Variants in PGPEP1 observed in about 807,000 individuals in gnomAD.
The protein encoded by PGPEP1 is pyroglutamyl-peptidase I, also known as pyroglutamyl-peptidase 1.
In PGPEP1, 15 loss-of-function variants were observed where a neutral mutation model predicts 24.1. The observed-to-expected ratio is 0.62, with a 90% CI of 0.42 to 0.96. The LOEUF (loss-of-function observed/expected upper bound fraction) is 0.96, where lower values mean the gene tolerates loss of function less well. Among genes scored for constraint, PGPEP1 ranks in the 40% least tolerant of loss-of-function variants. PGPEP1 has a pLI of 0.00. For missense variants in PGPEP1, 242 were observed against 273.4 expected (o/e 0.89, Z 0.81); for synonymous variants, 122 against 116.4 (o/e 1.05, Z -0.31).
At chr19:18,348,670 T>G (rs1411695685) in intron 2 of PGPEP1, among the ~76,000 whole-genome samples, 1 of 152,178 alleles carries the variant, frequency 6.6e-6, no homozygotes, top group Non-Finnish European at 1.5e-5. Flanking sequence ...GGCAGGTGGC[T>G]CCCTGCCGTT....
chr19:18,354,479 A>G (rs1032297565), intron 2 of PGPEP1, among the ~76,000 whole-genome samples: 3 of 152,210 alleles, frequency 2.0e-5, no homozygotes, highest in Admixed American at 1.3e-4. Context: ...TGGGTGACAG[A>G]GTGAGACTCT....
intron 2 of PGPEP1, 98 bp downstream of exon 2, chr19:18,343,009 T>TC: frequency 3.3e-6 from 3 of 905,572 alleles, no homozygotes; most frequent in Non-Finnish European, 5.3e-6. Flanking sequence ...AAAACTTTTT[T>TC]TTTTTTTTGA....
At position 18,355,823 on chromosome 19, in the gene PGPEP1, A is replaced by AC. The variant is rs555253754; in HGVS notation, c.88-66dup. On this transcript the variant is annotated intron_variant, in intron 2 of 4. Transcript: ENST00000269919. The stretch of plus-strand genomic sequence containing the variant: ...AGTCTGGAGAACGCCTGTTTGTTTC[A>AC]CCCCCCAGAGAGCGCATTATCCCCA... The AC allele has an allele frequency of 5.0e-4, 470 of 934,646 alleles. 3 individuals are homozygous for AC. The highest frequency in any genetic ancestry group is 1.1e-3 in the South Asian group (87 of 76,532). The allele number at this position is 934,646 out of a possible 1,614,324, so 57.9% of individuals were successfully genotyped here.
intron 2 of PGPEP1, among the ~76,000 whole-genome samples, chr19:18,352,266 C>CAAAAATAAAAA (rs1971052049): frequency 2.3e-5 from 1 of 43,664 alleles, no homozygotes. Context: ...GACTCCGTCT[C>CAAAAATAAAAA]AAAAAAAAAA....
rs771918701 is a variant in PGPEP1 at position 18,365,667 on chromosome 19, G to A, written c.*2084G>A. On this transcript the variant is annotated 3_prime_UTR_variant, in exon 5 of 5. Transcript: ENST00000269919. ...CCCAGTTCTTTCTTAAAACAGCTGAGAGTTTTGTTTTCTTCAGCGTTCACC... is the reference window on the plus strand; with the variant it reads ...CCCAGTTCTTTCTTAAAACAGCTGAAAGTTTTGTTTTCTTCAGCGTTCACC... 6.6e-6 allele frequency: 1 copy of A among 152,194 alleles called. No individual in the cohort carries two copies. The highest frequency in any genetic ancestry group is 2.4e-5 in the African/African-American group (1 of 41,440). 9.4% of individuals were successfully genotyped at this position (152,194 alleles called of 1,614,324 possible).
chr19:18,342,979 A>G, intron 2 of PGPEP1, 68 bp downstream of exon 2: 1 of 1,191,014 alleles, frequency 8.4e-7, no homozygotes, highest in South Asian at 1.3e-5. Context: ...TATGGCATCC[A>G]AGAAGGTCCC....
rs2144593821 is a variant in PGPEP1 at position 18,366,357 on chromosome 19, G to A, written c.*2774G>A. The A allele has an allele frequency of 6.6e-6, 1 of 152,310 alleles. No individual in the cohort carries two copies. The highest frequency in any genetic ancestry group is 1.9e-4 in the East Asian group (1 of 5,190). The allele number at this position is 152,310 out of a possible 1,614,324, so 9.4% of individuals were successfully genotyped here. ...TGTCTGCTCATTGTCACGTGTGTGTGTGTCATCTTTGTATTCTTGCAGTGG... is the reference window on the plus strand; with the variant it reads ...TGTCTGCTCATTGTCACGTGTGTGTATGTCATCTTTGTATTCTTGCAGTGG... On this transcript the variant is annotated 3_prime_UTR_variant, in exon 5 of 5. Transcript: ENST00000269919.
chr19:18,366,679 C>T lies in PGPEP1; in HGVS notation c.*3096C>T, dbSNP rs1299480999. 1 of 152,062 alleles carries T rather than the reference C, an allele frequency of 6.6e-6. No homozygotes were observed. Among genetic ancestry groups the T allele is most frequent in the Non-Finnish European group, 1.5e-5 (1 of 68,040 alleles). 9.4% of individuals were successfully genotyped at this position (152,062 alleles called of 1,614,324 possible). Reference sequence around the variant, plus strand: ...AGAGATGCAGCTTCACCATGTTGGCCAGGCTGGTCTTGAAATCCTGACCTC... The same window carrying T: ...AGAGATGCAGCTTCACCATGTTGGCTAGGCTGGTCTTGAAATCCTGACCTC... On this transcript the variant is annotated 3_prime_UTR_variant, in exon 5 of 5. Transcript: ENST00000269919.
intron 1 of PGPEP1, among the ~76,000 whole-genome samples, chr19:18,342,063 C>A (rs932880726): frequency 5.3e-5 from 8 of 152,060 alleles, no homozygotes; most frequent in African/African-American, 1.9e-4. Flanking sequence ...ACGCATCACC[C>A]CATCTGGTTA....
Position 18,357,600 on chromosome 19 carries a change from C to T in PGPEP1, c.422C>T (p.Ser141Leu), listed in dbSNP as rs762934201. The T allele has an allele frequency of 2.2e-5, 36 of 1,606,562 alleles. No individual in the cohort carries two copies. Among genetic ancestry groups the T allele is most frequent in the East Asian group, 1.3e-4 (6 of 44,506 alleles). Residue 141 changes from serine to leucine, a missense_variant, in exon 4 of 5, where the codon TCG becomes TTG. Ser to Leu is a moderately radical substitution (Grantham distance 145, BLOSUM62 -2). Transcript: ENST00000269919. ...TLGLDVSVTI[S>L]QDAGRYLCDF... ...GGCCTGGATGTGTCGGTGACCATCT[C>T]GCAGGATGCCGGCAGGTAGGGCCCT...
Position 18,355,930 on chromosome 19 carries a change from C to T in PGPEP1, c.123C>T (p.Asp41=), listed in dbSNP as rs1484613725. The T allele has an allele frequency of 6.2e-7, 1 of 1,613,476 alleles. No individual in the cohort carries two copies. Among genetic ancestry groups the T allele is most frequent in the Non-Finnish European group, 8.5e-7 (1 of 1,179,500 alleles). Residue 41 remains aspartate (D), a synonymous_variant, in exon 3 of 5, where the codon GAC becomes GAT. Transcript: ENST00000269919. ...AGCTAGGCCTTGGCGACAGCGTGGACCTGCATGTGTACGAGATTCCGGTTG... is the reference window on the plus strand; with the variant it reads ...AGCTAGGCCTTGGCGACAGCGTGGATCTGCATGTGTACGAGATTCCGGTTG... ...LEKLGLGDSV[D]LHVYEIPVEY... is the part of the protein sequence containing the mutation.
intron 2 of PGPEP1, among the ~76,000 whole-genome samples, chr19:18,349,510 C>T (rs1320651661): frequency 6.6e-6 from 1 of 152,134 alleles, no homozygotes; most frequent in Non-Finnish European, 1.5e-5. Flanking sequence ...AGTAACACAT[C>T]CCATGAGACT....
intron 2 of PGPEP1, among the ~76,000 whole-genome samples, chr19:18,349,274 C>T (rs777876072): frequency 1.3e-5 from 2 of 151,984 alleles, no homozygotes; most frequent in African/African-American, 2.4e-5. Flanking sequence ...CTCCACCTCC[C>T]GGGTTCAAGT....
rs138352841 is a variant in PGPEP1, at chr19:18,362,651, C to T, written c.438-740C>T. On this transcript the variant is annotated intron_variant, in intron 4 of 4. Transcript: ENST00000269919. Reference sequence around the variant, plus strand: ...GCTGAAGCAGGAGAATCACTTGAGCCGAGGAGGCAGAAGTTGCACTGAGCT... The same window carrying T: ...GCTGAAGCAGGAGAATCACTTGAGCTGAGGAGGCAGAAGTTGCACTGAGCT... 1.0e-3 allele frequency among the ~76,000 whole-genome samples: 154 copies of T among 149,140 alleles called. 1 individual carries two copies. The highest frequency in any genetic ancestry group is 1.3e-3 in the Non-Finnish European group (85 of 67,576).
intron 2 of PGPEP1, among the ~76,000 whole-genome samples, chr19:18,350,268 A>G (rs377762903): frequency 3.3e-5 from 5 of 151,358 alleles, no homozygotes; most frequent in East Asian, 3.9e-4. Context: ...CAAATGATCT[A>G]TCCATCTCGA....
intron 1 of PGPEP1, among the ~76,000 whole-genome samples, chr19:18,342,574 CT>C (rs1425629896): frequency 6.6e-6 from 1 of 152,182 alleles, no homozygotes; most frequent in Non-Finnish European, 1.5e-5. Context: ...GGATCAGGAC[CT>C]TTTCGGAGGC....
chr19:18,355,258 C>T (rs1228155132), intron 2 of PGPEP1, among the ~76,000 whole-genome samples: 18 of 150,234 alleles, frequency 1.2e-4, no homozygotes, highest in Admixed American at 4.0e-4. Context: ...CATGAGCCAC[C>T]GCACCTGGCC....
At chr19:18,345,725 C>CAAA (rs1263995077) in intron 2 of PGPEP1, among the ~76,000 whole-genome samples, 130 of 89,770 alleles carry the variant, frequency 1.4e-3, no homozygotes, top group African/African-American at 5.1e-3. Flanking sequence ...GACCCTATCT[C>CAAA]AAAAAAAAAA....
At chr19:18,340,751 CG>C (rs1231661648) in intron 1 of PGPEP1, 36 bp downstream of exon 1, 10 of 1,424,192 alleles carry the variant, frequency 7.0e-6, no homozygotes, top group African/African-American at 1.5e-5. Context: ...CGGCAGCGGC[CG>C]GGGGCAGAGG....
Sources: allele counts gnomAD v4.1 joint callset (sites outside exome capture counted in the v4.1 genomes callset), GRCh38; gene constraint gnomAD v4.1.1; transcripts MANE v1.5; gene names NCBI Gene and HGNC (gene_info 2026-07-23, HGNC 2026-07-21).